The following SNX25 variants were observed in gnomAD, a reference collection of about 807,000 sequenced individuals.
SNX25 encodes sorting nexin-25.
In SNX25, 62 loss-of-function variants were observed where a neutral mutation model predicts 113.7. That is an observed-to-expected ratio of 0.55 (90% confidence interval 0.44 to 0.67). The LOEUF is 0.67. SNX25 is among the 30% of genes least tolerant of loss of function. SNX25 has a pLI of 0.00. For synonymous variants in SNX25, 421 were observed against 436.2 expected (o/e 0.97, Z 0.43); for missense variants, 1,014 against 1,161.0 (o/e 0.87, Z 1.84).
chr4:185,311,264 T>C (rs1297805125), intron 7 of SNX25, among the ~76,000 whole-genome samples: 1 of 152,216 alleles, frequency 6.6e-6, no homozygotes, highest in Non-Finnish European at 1.5e-5. Context: ...GGTTTAAGTA[T>C]CTTGCCTAAT....
rs1346770157 is a variant in SNX25 at position 185,255,471 on chromosome 4, T to C, written c.515-3377T>C. ...ATTTAAGTTATGTATAGTTTTTTGA[T>C]ACTTAGCTTGAAGAGAGGTGTCGTT... is the stretch of plus-strand genomic sequence containing the variant. On this transcript the variant is annotated intron_variant, in intron 2 of 18. Coordinates refer to ENST00000652585, the MANE Select transcript of SNX25 (RefSeq NM_001378034.2). 3.3e-5 allele frequency among the ~76,000 whole-genome samples: 5 copies of C among 152,152 alleles called. No individual in the cohort carries two copies. In the East Asian group the frequency reaches 9.6e-4, roughly 29 times the overall value.
chr4:185,378,346 C>G, the SNX25 span: 1 of 1,436,542 alleles, frequency 7.0e-7, no homozygotes, highest in Non-Finnish European at 9.1e-7. Flanking sequence ...CCACCAACTC[C>G]AGGACGTGAA....
At chr4:185,246,489 G>C (rs1744884943) in intron 1 of SNX25, among the ~76,000 whole-genome samples, 1 of 152,044 alleles carries the variant, frequency 6.6e-6, no homozygotes, top group Admixed American at 6.6e-5. Context: ...TAAAAAAGGG[G>C]ATTGCATTTT....
chr4:185,347,664 T>C (rs1033507086), intron 13 of SNX25, among the ~76,000 whole-genome samples: 1 of 151,992 alleles, frequency 6.6e-6, no homozygotes, highest in African/African-American at 2.4e-5. Context: ...AGAGACGGGG[T>C]TTCTCCGTGT....
chr4:185,376,890 A>T, the SNX25 span: 1 of 1,562,298 alleles, frequency 6.4e-7, no homozygotes, highest in Non-Finnish European at 8.8e-7. Context: ...AATGAAAACG[A>T]ATAAACAAAA....
Position 185,264,505 on chromosome 4 carries a change from T to C in SNX25, c.799T>C (p.Phe267Leu), listed in dbSNP as rs144220379. Reference sequence around the variant, plus strand: ...GAGGAACTCAGATGATGAAGTAAGATTTCTACAAACGTGTTCTCGGGTTCT... The same window carrying C: ...GAGGAACTCAGATGATGAAGTAAGACTTCTACAAACGTGTTCTCGGGTTCT... ...CLRNSDDEVRFLQTCSRVLVF... is the reference protein window; with the variant it reads ...CLRNSDDEVRLLQTCSRVLVF... Residue 267 changes from phenylalanine to leucine, a missense_variant, in exon 4 of 19, where the codon TTT becomes CTT. By Grantham distance (22) the Phe-to-Leu change is conservative (BLOSUM62 0). Coordinates refer to ENST00000652585, the MANE Select transcript of SNX25 (RefSeq NM_001378034.2). 20 of 1,613,906 alleles carry C rather than the reference T, an allele frequency of 1.2e-5. No homozygotes were observed. The African/African-American group carries it at 1.9e-4, about 15-fold the overall frequency.
chr4:185,219,344 G>A (rs1046770223), intron 1 of SNX25, among the ~76,000 whole-genome samples: 14 of 152,210 alleles, frequency 9.2e-5, no homozygotes, highest in African/African-American at 3.4e-4. Context: ...CGGATCACAA[G>A]GTCAGGAGAT....
chr4:185,327,105 A>T (rs537794147), intron 9 of SNX25, among the ~76,000 whole-genome samples: 1 of 152,360 alleles, frequency 6.6e-6, no homozygotes, highest in South Asian at 2.1e-4. Context: ...CTTTTTACCA[A>T]AAGTATACGT....
intron 13 of SNX25, among the ~76,000 whole-genome samples, chr4:185,347,407 G>A (rs888788331): frequency 6.6e-6 from 1 of 151,954 alleles, no homozygotes; most frequent in Non-Finnish European, 1.5e-5. Flanking sequence ...GCCATTTTGG[G>A]TGTAGTAGTA....
chr4:185,225,502 A>G lies in SNX25; in HGVS notation c.429+15247A>G, dbSNP rs143423708. 4.2e-3 allele frequency among the ~76,000 whole-genome samples: 646 copies of G among 152,284 alleles called. 5 individuals are homozygous for G. Among genetic ancestry groups the G allele is most frequent in the African/African-American group, 0.015 (611 of 41,560 alleles). ...TAATCCTCTATGTCATTTGCTTAGC[A>G]TGGCATATGTTGGCATTGTTAATGG... On this transcript the variant is annotated intron_variant, in intron 1 of 18. Transcript: ENST00000652585.
chr4:185,325,279 A>G (rs966184270), intron 9 of SNX25, among the ~76,000 whole-genome samples: 4 of 152,166 alleles, frequency 2.6e-5, no homozygotes, highest in Non-Finnish European at 4.4e-5. Flanking sequence ...CACGCCTGTA[A>G]TCCCAGCACT....
chr4:185,327,840 G>C (rs1278263113), intron 9 of SNX25, among the ~76,000 whole-genome samples: 1 of 152,172 alleles, frequency 6.6e-6, no homozygotes, highest in African/African-American at 2.4e-5. Flanking sequence ...AGATTATTCT[G>C]TCTGGGCTGA....
At chr4:185,374,965 G>A (rs1411727886), downstream of SNX25, among the ~76,000 whole-genome samples, 1 of 151,924 alleles carries the variant, frequency 6.6e-6, no homozygotes, top group African/African-American at 2.4e-5. Context: ...GCACTAATAC[G>A]ACATCTGCTA....
chr4:185,264,379 G>A (rs1233903424), intron 3 of SNX25, 59 bp from the exon 4 acceptor site: 75 of 1,501,248 alleles, frequency 5.0e-5, no homozygotes, highest in Non-Finnish European at 6.5e-5. Flanking sequence ...TTACCTAATA[G>A]TACATAATTG....
chr4:185,370,811 G>T (rs113662082), downstream of SNX25: 1 of 1,614,022 alleles, frequency 6.2e-7, no homozygotes, highest in South Asian at 1.1e-5. Flanking sequence ...CATAGTCAGC[G>T]ATCCTGAGAG....
At chr4:185,280,127 A>T (rs997193489) in intron 5 of SNX25, among the ~76,000 whole-genome samples, 1 of 152,168 alleles carries the variant, frequency 6.6e-6, no homozygotes, top group Non-Finnish European at 1.5e-5. Context: ...ACGAGGTCTC[A>T]TTATGTTGCC....
At chr4:185,361,092 A>T (rs1579934452) in intron 16 of SNX25, among the ~76,000 whole-genome samples, 2 of 152,096 alleles carry the variant, frequency 1.3e-5, no homozygotes, top group African/African-American at 4.8e-5. Flanking sequence ...ATAGCAGTGT[A>T]TTTTTGAAAG....
chr4:185,276,770 C>T (rs1041080096), intron 5 of SNX25, among the ~76,000 whole-genome samples: 4 of 152,304 alleles, frequency 2.6e-5, no homozygotes, highest in Non-Finnish European at 2.9e-5. Context: ...ATGCTTTCCC[C>T]GCCGCCCTGT....
rs3047488 is a variant in SNX25, at chr4:185,360,930, A to AATATATATATATATAT, written c.2652-986_2652-971dup. ...CGAGACTCCGTCTCAAAAAAAAAAT[A>AATATATATATATATAT]ATATATATATATATATATATATAGA... is the stretch of plus-strand genomic sequence containing the variant. On this transcript the variant is annotated intron_variant, in intron 16 of 18. Transcript: ENST00000652585. Among the ~76,000 whole-genome samples, 158 of 139,590 alleles carry AATATATATATATATAT rather than the reference A, an allele frequency of 1.1e-3. 1 individual carries two copies. Among genetic ancestry groups the AATATATATATATATAT allele is most frequent in the African/African-American group, 3.8e-3 (139 of 36,664 alleles). 91.6% of individuals were successfully genotyped at this position (139,590 alleles called of 152,430 possible). A position where few individuals can be genotyped will look rare whatever the true frequency, so the allele number is the denominator to read the frequency against.
Sources: gnomAD v4.1 joint callset for allele counts (sites outside exome capture counted in the v4.1 genomes callset) on GRCh38, gnomAD v4.1.1 for gene constraint, MANE v1.5 for transcripts, NCBI Gene and HGNC (gene_info 2026-07-23, HGNC 2026-07-21) for gene names.